Variants in DXO observed in about 807,000 individuals in gnomAD.
DXO encodes decapping exoribonuclease.
DXO carries 42 observed loss-of-function variants against 39.8 expected under a neutral mutation model. That is an observed-to-expected ratio of 1.06 (90% CI 0.83 to 1.37). DXO has a LOEUF of 1.37. DXO is among the 40% of genes most tolerant of loss of function. The pLI is 0.00. For synonymous variants in DXO, 193 were observed against 200.4 expected (o/e 0.96, Z 0.31); for missense variants, 495 against 513.0 (o/e 0.96, Z 0.34).
Position 31,971,746 on chromosome 6 carries a change from T to A in DXO, c.-6-65A>T. Reference sequence around the variant, plus strand: ...GAGGCCTGGAGAAGGATGACTGGTTTAGGACTAAGCGAGCCACCTGATCGC... The same window carrying A: ...GAGGCCTGGAGAAGGATGACTGGTTAAGGACTAAGCGAGCCACCTGATCGC... On this transcript the variant is annotated intron_variant, in intron 1 of 6. Transcript: ENST00000337523. The surrounding 1 kb of genome is among the most constrained non-coding windows in gnomAD (Gnocchi z 4.5). The A allele has an allele frequency of 6.8e-7, 1 of 1,479,812 alleles. No homozygotes were observed. The highest frequency in any genetic ancestry group is 9.0e-7 in the Non-Finnish European group (1 of 1,112,252). 91.7% of individuals were successfully genotyped at this position (1,479,812 alleles called of 1,614,324 possible). A position where few individuals can be genotyped will look rare whatever the true frequency, so the allele number is the denominator to read the frequency against.
rs1773155315 is a variant in DXO at position 31,970,364 on chromosome 6, C to T, written c.927G>A (p.Met309Ile). Residue 309 changes from methionine (M) to isoleucine (I), a missense_variant, in exon 5 of 7, where the codon ATG becomes ATA. By Grantham distance (10) the Met-to-Ile change is conservative (BLOSUM62 1). Coordinates refer to ENST00000337523, the MANE Select transcript of DXO (RefSeq NM_005510.4). The surrounding 1 kb of genome is among the most constrained non-coding windows in gnomAD (Gnocchi z 4.0). ...FVSSLKTFPT[M>I]KMFEYVRNDR... is the part of the protein sequence containing the mutation. Reference sequence around the variant, plus strand: ...TTACCCTGACATATTCAAACATCTTCATGGTAGGAAAGGTCTTGAGGGAAG... The same window carrying T: ...TTACCCTGACATATTCAAACATCTTTATGGTAGGAAAGGTCTTGAGGGAAG... The T allele has an allele frequency of 1.2e-6, 2 of 1,614,012 alleles. No individual in the cohort carries two copies. Among genetic ancestry groups the T allele is most frequent in the Non-Finnish European group, 1.7e-6 (2 of 1,179,992 alleles).
chr6:31,969,865 T>C lies in DXO; in HGVS notation c.*12A>G. ...GCACACAGAGATATGACTGCCTCCCTCTAAAGCATTACTATTTGGGAGAGG... is the reference window on the plus strand; with the variant it reads ...GCACACAGAGATATGACTGCCTCCCCCTAAAGCATTACTATTTGGGAGAGG... On this transcript the variant is annotated 3_prime_UTR_variant, in exon 7 of 7. Coordinates refer to ENST00000337523, the MANE Select transcript of DXO (RefSeq NM_005510.4). The surrounding 1 kb of genome is among the most constrained non-coding windows in gnomAD (Gnocchi z 6.1). 1 of 1,614,112 alleles carries C rather than the reference T, an allele frequency of 6.2e-7. No homozygotes were observed. The highest frequency in any genetic ancestry group is 8.5e-7 in the Non-Finnish European group (1 of 1,179,998).
At position 31,969,929 on chromosome 6, in the gene DXO, T is replaced by G; in HGVS notation, c.1139A>C (p.Glu380Ala). 6.2e-7 allele frequency: 1 copy of G among 1,614,036 alleles called. No homozygotes were observed. The highest frequency in any genetic ancestry group is 1.7e-5 in the Admixed American group (1 of 60,008). Reference protein sequence around the residue: ...PYAFLPIWYVEAMTQDLPSPP... With the variant: ...PYAFLPIWYVAAMTQDLPSPP... Reference sequence around the variant, plus strand: ...TGATGGGAGGTCCTGAGTCATAGCTTCCACATACCATATGGGCAGGAAGGC... The same window carrying G: ...TGATGGGAGGTCCTGAGTCATAGCTGCCACATACCATATGGGCAGGAAGGC... The change falls in exon 7 of 7, where the codon GAA becomes GCA. Residue 380 changes from glutamate (E) to alanine (A), a missense_variant. Transcript: ENST00000337523. This position sits in a 1 kb window ranked among gnomAD's most constrained non-coding sequence, Gnocchi z 6.1.
Position 31,970,974 on chromosome 6 carries a change from C to A in DXO, c.530G>T (p.Arg177Leu). The A allele has an allele frequency of 6.2e-7, 1 of 1,613,018 alleles. No individual in the cohort carries two copies. The highest frequency in any genetic ancestry group is 1.6e-4 in the Middle Eastern group (1 of 6,062). Residue 177 changes from arginine (R) to leucine (L), a missense_variant, in exon 3 of 7, where the codon CGG (arginine) becomes CTG (leucine). Physicochemically the swap from Arg to Leu is moderately radical, Grantham distance 102. Transcript: ENST00000337523. This position sits in a 1 kb window ranked among gnomAD's most constrained non-coding sequence, Gnocchi z 4.0. ...TPNARAQRLA[R>L]PPLLRELMYM... Reference sequence around the variant, plus strand: ...CATAAGCTCCCGGAGGAGCGGTGGCCGAGCAAGCCTCTGGGCCCGAGCGTT... The same window carrying A: ...CATAAGCTCCCGGAGGAGCGGTGGCAGAGCAAGCCTCTGGGCCCGAGCGTT...
In DXO at chr6:31,971,274, G is replaced by A. The variant is rs1447284162; in HGVS notation, c.356+46C>T. On this transcript the variant is annotated intron_variant, in intron 2 of 6. Coordinates refer to ENST00000337523, the MANE Select transcript of DXO (RefSeq NM_005510.4). The surrounding 1 kb of genome is among the most constrained non-coding windows in gnomAD (Gnocchi z 4.5). Reference sequence around the variant, plus strand: ...GGCTTTGGCTCTCCTAATTTTAGAGGGTAGGTACGGGTCTCCAGATATACT... The same window carrying A: ...GGCTTTGGCTCTCCTAATTTTAGAGAGTAGGTACGGGTCTCCAGATATACT... 4 of 1,537,610 alleles carry A rather than the reference G, an allele frequency of 2.6e-6. No individual in the cohort carries two copies. The highest frequency in any genetic ancestry group is 2.8e-5 in the African/African-American group (2 of 72,612).
Position 31,970,572 on chromosome 6 carries a change from C to T in DXO, c.812+34G>A, listed in dbSNP as rs1046552910. ...CAAGTCCCTTTCCCAGCCTTCAAGC[C>T]TAAGCTCTCGCCCTGCCCACCCCGA... On this transcript the variant is annotated intron_variant, in intron 4 of 6. Transcript: ENST00000337523. The surrounding 1 kb of genome is among the most constrained non-coding windows in gnomAD (Gnocchi z 4.0). 3.7e-6 allele frequency: 6 copies of T among 1,612,580 alleles called. No individual in the cohort carries two copies. In the African/African-American group the frequency reaches 8.0e-5, roughly 22 times the overall value.
Position 31,972,128 on chromosome 6 carries a change from A to T in DXO, c.-206T>A. 1 of 1,612,786 alleles carries T rather than the reference A, an allele frequency of 6.2e-7. No individual in the cohort carries two copies. The highest frequency in any genetic ancestry group is 8.5e-7 in the Non-Finnish European group (1 of 1,179,820). On this transcript the variant is annotated 5_prime_UTR_variant, in exon 1 of 7. Coordinates refer to ENST00000337523, the MANE Select transcript of DXO (RefSeq NM_005510.4). The surrounding 1 kb of genome is among the most constrained non-coding windows in gnomAD (Gnocchi z 6.3). ...CCAACGTGGCCACCGGCGCCCCTCC[A>T]CGCCGCCAACGAGTCCCCGGGCGTG...
At position 31,971,255 on chromosome 6, in the gene DXO, G is replaced by A; in HGVS notation, c.356+65C>T. The A allele has an allele frequency of 1.3e-6, 2 of 1,540,604 alleles. No individual in the cohort carries two copies. The highest frequency in any genetic ancestry group is 2.5e-5 in the South Asian group (2 of 80,378). On this transcript the variant is annotated intron_variant, in intron 2 of 6. Transcript: ENST00000337523. The surrounding 1 kb of genome is among the most constrained non-coding windows in gnomAD (Gnocchi z 4.5). ...AAGGACTGATTCTCACCCCGGCTTT[G>A]GCTCTCCTAATTTTAGAGGGTAGGT... is the stretch of plus-strand genomic sequence containing the variant.
In DXO at chr6:31,970,882, GA is replaced by G; in HGVS notation, c.592+29del. The G allele has an allele frequency of 6.2e-7, 1 of 1,611,212 alleles. No individual in the cohort carries two copies. Among genetic ancestry groups the G allele is most frequent in the Non-Finnish European group, 8.5e-7 (1 of 1,178,578 alleles). ...GGGGGCTCTCAACCTCTGGGAAGGG[GA>G]AGGGGGCTATGAAGCAGGGGCAACT... is the stretch of plus-strand genomic sequence containing the variant. On this transcript the variant is annotated intron_variant, in intron 3 of 6. Coordinates refer to ENST00000337523, the MANE Select transcript of DXO (RefSeq NM_005510.4). This position sits in a 1 kb window ranked among gnomAD's most constrained non-coding sequence, Gnocchi z 4.0.
Position 31,970,316 on chromosome 6 carries a change from G to T in DXO, c.948+27C>A. The T allele has an allele frequency of 1.2e-6, 2 of 1,614,058 alleles. No homozygotes were observed. The highest frequency in any genetic ancestry group is 1.7e-6 in the Non-Finnish European group (2 of 1,179,988). On this transcript the variant is annotated intron_variant, in intron 5 of 6. Transcript: ENST00000337523. The surrounding 1 kb of genome is among the most constrained non-coding windows in gnomAD (Gnocchi z 4.0). ...GTGGTCTTGGTGTTTGGGGATACGG[G>T]TGGGAGCTGCAACATCGTTCCCTTA...
rs374831776 is a variant in DXO, at chr6:31,969,993, C to T, written c.1075G>A (p.Gly359Ser). 20 of 1,613,730 alleles carry T rather than the reference C, an allele frequency of 1.2e-5. No homozygotes were observed. The highest frequency in any genetic ancestry group is 4.0e-5 in the African/African-American group (3 of 74,776). Residue 359 changes from glycine to serine, a missense_variant, in exon 7 of 7, where the codon GGC becomes AGC. Gly to Ser is a moderately conservative substitution (Grantham distance 56). Transcript: ENST00000337523. The surrounding 1 kb of genome is among the most constrained non-coding windows in gnomAD (Gnocchi z 6.1). ...LVHLFSWEPG[G>S]PVTVSVHQDA... is the part of the protein sequence containing the mutation. ...TGGTGTACAGACACGGTGACTGGGC[C>T]GCCAGGCTCCCAAGAGAAGAGATGA...
In DXO at chr6:31,971,040, C is replaced by T. The variant is rs1471355969; in HGVS notation, c.464G>A (p.Arg155Gln). 3.1e-6 allele frequency: 5 copies of T among 1,612,870 alleles called. No homozygotes were observed. The highest frequency in any genetic ancestry group is 3.4e-6 in the Non-Finnish European group (4 of 1,180,020). Residue 155 changes from arginine (R) to glutamine (Q), a missense_variant, in exon 3 of 7, where the codon CGG becomes CAG. Coordinates refer to ENST00000337523, the MANE Select transcript of DXO (RefSeq NM_005510.4). The surrounding 1 kb of genome is among the most constrained non-coding windows in gnomAD (Gnocchi z 4.5). ...ACTCAGGTATAGTGTTCCCTGGAACCGGGAGGCTGCCAGCTGCCAGCCCTC... is the reference window on the plus strand; with the variant it reads ...ACTCAGGTATAGTGTTCCCTGGAACTGGGAGGCTGCCAGCTGCCAGCCCTC... ...RQEGWQLAASRFQGTLYLSEV... is the reference protein window; with the variant it reads ...RQEGWQLAASQFQGTLYLSEV...
Position 31,970,911 on chromosome 6 carries a change from C to A in DXO, c.592+1G>T, listed in dbSNP as rs758713594. 1 of 1,611,256 alleles carries A rather than the reference C, an allele frequency of 6.2e-7. No individual in the cohort carries two copies. Among genetic ancestry groups the A allele is most frequent in the South Asian group, 1.1e-5 (1 of 91,054 alleles). On this transcript the variant is annotated splice_donor_variant, in intron 3 of 6. Coordinates refer to ENST00000337523, the MANE Select transcript of DXO (RefSeq NM_005510.4). LOFTEE classifies it high-confidence loss of function. This position sits in a 1 kb window ranked among gnomAD's most constrained non-coding sequence, Gnocchi z 4.0. ...GGGGCTATGAAGCAGGGGCAACTCA[C>A]CTGCACACATGTACTGCTCAAATTT...
Position 31,971,177 on chromosome 6 carries a change from C to G in DXO, c.357-30G>C, listed in dbSNP as rs1773280877. On this transcript the variant is annotated intron_variant, in intron 2 of 6. Transcript: ENST00000337523. The surrounding 1 kb of genome is among the most constrained non-coding windows in gnomAD (Gnocchi z 4.5). ...GAGGCAGGAGTTACAGGCTGAAGGT[C>G]TGACACAAGCATTAGTGAGATGCTC... 5.6e-6 allele frequency: 9 copies of G among 1,605,180 alleles called. No homozygotes were observed. The East Asian group carries it at 2.0e-4, about 36-fold the overall frequency.
Position 31,970,662 on chromosome 6 carries a change from C to T in DXO, c.756G>A (p.Val252=). The stretch of plus-strand genomic sequence containing the variant: ...GCATCTCCTTGGAGGTCTTGAGCTC[C>T]ACATAGCAGGTTGGGGGCTGTGTGG... ...APSTQPPTCY[V]ELKTSKEMHS... The change falls in exon 4 of 7, where the codon GTG becomes GTA. Residue 252 remains valine, a synonymous_variant. Coordinates refer to ENST00000337523, the MANE Select transcript of DXO (RefSeq NM_005510.4). The surrounding 1 kb of genome is among the most constrained non-coding windows in gnomAD (Gnocchi z 4.0). 1 of 1,613,078 alleles carries T rather than the reference C, an allele frequency of 6.2e-7. No individual in the cohort carries two copies. Among genetic ancestry groups the T allele is most frequent in the South Asian group, 1.1e-5 (1 of 91,078 alleles).
Position 31,971,097 on chromosome 6 carries a change from G to A in DXO, c.407C>T (p.Thr136Ile). 6.2e-7 allele frequency: 1 copy of A among 1,612,874 alleles called. No individual in the cohort carries two copies. The highest frequency in any genetic ancestry group is 8.5e-7 in the Non-Finnish European group (1 of 1,179,990). ...CTCATACGGTGTCGTCAGCAGTTTT[G>A]TCAGGTGCCCCCGCCACGTCACTAT... ...EAIVTWRGHL[T>I]KLLTTPYERQ... The change falls in exon 3 of 7, where the codon ACA (threonine) becomes ATA (isoleucine). Residue 136 changes from threonine to isoleucine, a missense_variant. Transcript: ENST00000337523. This position sits in a 1 kb window ranked among gnomAD's most constrained non-coding sequence, Gnocchi z 4.5.
chr6:31,971,656 T>C lies in DXO; in HGVS notation c.20A>G (p.Lys7Arg), dbSNP rs764278833. The C allele has an allele frequency of 5.6e-6, 9 of 1,607,592 alleles. No homozygotes were observed. Among genetic ancestry groups the C allele is most frequent in the Non-Finnish European group, 5.1e-6 (6 of 1,179,744 alleles). Residue 7 changes from lysine (K) to arginine (R), a missense_variant, in exon 2 of 7, where the codon AAG becomes AGG. Transcript: ENST00000337523. This position sits in a 1 kb window ranked among gnomAD's most constrained non-coding sequence, Gnocchi z 4.5. MDPRGT[K>R]RGAEKTEVAE... The stretch of plus-strand genomic sequence containing the variant: ...TACCTCTGTCTTCTCAGCTCCTCTC[T>C]TGGTCCCCCTGGGATCCATGAGGTC...
chr6:31,970,628 C>A lies in DXO; in HGVS notation c.790G>T (p.Gly264Cys). ...AACCTGTAGAAACTCCTCCATTGGC[C>A]AGGGCTGTGCATCTCCTTGGAGGTC... The part of the protein sequence containing the change: ...LKTSKEMHSP[G>C]QWRSFYRHKL... The change falls in exon 4 of 7, where the codon GGC (glycine) becomes TGC (cysteine). Residue 264 changes from glycine to cysteine, a missense_variant. Physicochemically the swap from Gly to Cys is radical, Grantham distance 159. Coordinates refer to ENST00000337523, the MANE Select transcript of DXO (RefSeq NM_005510.4). This position sits in a 1 kb window ranked among gnomAD's most constrained non-coding sequence, Gnocchi z 4.0. 6.2e-7 allele frequency: 1 copy of A among 1,613,300 alleles called. No individual in the cohort carries two copies. The highest frequency in any genetic ancestry group is 8.5e-7 in the Non-Finnish European group (1 of 1,179,992).
rs140746844 is a variant in DXO at position 31,969,938 on chromosome 6, C to T, written c.1130G>A (p.Trp377Ter). The T allele has an allele frequency of 2.0e-5, 33 of 1,613,938 alleles. No homozygotes were observed. The highest frequency in any genetic ancestry group is 2.7e-5 in the Non-Finnish European group (32 of 1,179,992). The change falls in exon 7 of 7, where the codon TGG becomes TAG. Residue 377 changes from tryptophan (W) to a stop codon, truncating the protein, a stop_gained. Transcript: ENST00000337523. LOFTEE classifies it high-confidence loss of function. This position sits in a 1 kb window ranked among gnomAD's most constrained non-coding sequence, Gnocchi z 6.1. Reference protein sequence around the residue: ...QDAPYAFLPIWYVEAMTQDLP... With the variant: ...QDAPYAFLPI ...GTCCTGAGTCATAGCTTCCACATAC[C>T]ATATGGGCAGGAAGGCGTAAGGTGC...
Sources: allele counts gnomAD v4.1 joint callset, GRCh38; gene constraint gnomAD v4.1.1; non-coding constraint Gnocchi (gnomAD v3.1); transcripts MANE v1.5; gene names NCBI Gene and HGNC (gene_info 2026-07-23, HGNC 2026-07-21).